Variants in MPP7 observed in about 807,000 individuals in gnomAD.
MPP7 encodes the protein MAGUK p55 scaffold protein 7.
MPP7 carries 60 observed loss-of-function variants against 76.5 expected under a neutral mutation model. That is an observed-to-expected ratio of 0.78 (90% CI 0.64 to 0.97). The LOEUF (loss-of-function observed/expected upper bound fraction) is 0.97. MPP7 is among the 50% of genes least tolerant of loss of function. MPP7 has a pLI of 0.00. For synonymous variants in MPP7, 237 were observed against 244.5 expected, an observed-to-expected ratio of 0.97 and a Z score of 0.29; for missense variants, 641 against 694.0, an observed-to-expected ratio of 0.92 and a Z score of 0.86.
intron 11 of MPP7, among the ~76,000 whole-genome samples, chr10:28,100,224 A>G (rs187908062): frequency 2.9e-4 from 44 of 152,214 alleles, no homozygotes; most frequent in Non-Finnish European, 4.7e-4. Flanking sequence ...TTCTACTAAT[A>G]AAAACATTTT....
At chr10:28,059,085 T>C (rs143500734) in intron 14 of MPP7, among the ~76,000 whole-genome samples, 1 of 152,274 alleles carries the variant, frequency 6.6e-6, no homozygotes, top group African/African-American at 2.4e-5. Flanking sequence ...GATGTTTTAA[T>C]AAAATCCCAC....
At chr10:28,316,168 G>C (rs575507926) in intron 2 of MPP7, among the ~76,000 whole-genome samples, 1 of 152,260 alleles carries the variant, frequency 6.6e-6, no homozygotes, top group Admixed American at 6.5e-5. Context: ...CGGACATGGT[G>C]GCTCACGCCT....
chr10:28,243,319 C>A (rs955399259), intron 1 of MPP7, among the ~76,000 whole-genome samples: 1 of 152,078 alleles, frequency 6.6e-6, no homozygotes, highest in Non-Finnish European at 1.5e-5. Context: ...GAACCAAGTC[C>A]CCACTTTGCA....
At chr10:28,296,675 T>C (rs11006996) in intron 1 of MPP7, among the ~76,000 whole-genome samples, 13,782 of 152,270 alleles carry the variant, frequency 0.091, 667 homozygotes, top group African/African-American at 0.11. Flanking sequence ...GAGAAAAGAA[T>C]GGTCTCCTCT....
At chr10:28,110,080 CTTCTTTT>C (rs1294715503) in intron 11 of MPP7, among the ~76,000 whole-genome samples, 16 of 150,432 alleles carry the variant, frequency 1.1e-4, no homozygotes, top group Admixed American at 4.0e-4. Flanking sequence ...TTTATATTTT[CTTCTTTT>C]TTCTTTTTTC....
intron 5 of MPP7, among the ~76,000 whole-genome samples, chr10:28,143,384 T>C (rs1288614828): frequency 1.3e-5 from 2 of 152,202 alleles, no homozygotes; most frequent in Non-Finnish European, 1.5e-5. Context: ...AAAAAGAATA[T>C]TTCTGTTTCC....
At chr10:28,325,130 G>A (rs1429053803) in intron 2 of MPP7, among the ~76,000 whole-genome samples, 1 of 152,178 alleles carries the variant, frequency 6.6e-6, no homozygotes, top group South Asian at 2.1e-4. Flanking sequence ...CTGAGCTCAA[G>A]TGATCCTCCT....
At chr10:28,200,646 T>A (rs1336967676) in intron 3 of MPP7, among the ~76,000 whole-genome samples, 2 of 152,226 alleles carry the variant, frequency 1.3e-5, no homozygotes, top group African/African-American at 2.4e-5. Context: ...CTACGATAAT[T>A]AACTTTTTCC....
At chr10:28,169,540 T>C (rs541533086) in intron 3 of MPP7, among the ~76,000 whole-genome samples, 10 of 152,246 alleles carry the variant, frequency 6.6e-5, no homozygotes, top group Non-Finnish European at 1.3e-4. Flanking sequence ...TTAATACACG[T>C]TAGATAATTG....
intron 2 of MPP7, among the ~76,000 whole-genome samples, chr10:28,329,209 T>C (rs371933929): frequency 1.8e-4 from 28 of 152,258 alleles, no homozygotes; most frequent in East Asian, 1.2e-3. Flanking sequence ...TCAACATTTC[T>C]AGAATATTAC....
chr10:28,283,382 CAA>C (rs1306307634), intron 1 of MPP7, among the ~76,000 whole-genome samples: 1 of 151,994 alleles, frequency 6.6e-6, no homozygotes, highest in Non-Finnish European at 1.5e-5. Flanking sequence ...ATGGAATACT[CAA>C]AGAGCTGAAT....
At chr10:28,323,683 C>T (rs572770948) in intron 2 of MPP7, among the ~76,000 whole-genome samples, 2 of 134,208 alleles carry the variant, frequency 1.5e-5, no homozygotes, top group African/African-American at 3.2e-5. Context: ...TGTTGCTACA[C>T]ACAAAAAATA....
chr10:28,119,554 G>A, intron 11 of MPP7, 97 bp downstream of exon 11: 1 of 867,324 alleles, frequency 1.2e-6, no homozygotes, highest in Non-Finnish European at 1.9e-6. Flanking sequence ...TTATTGCTAG[G>A]GTAATAGGAC....
At chr10:28,259,584 CAAAAAG>C (rs1245374590) in intron 1 of MPP7, among the ~76,000 whole-genome samples, 2 of 93,034 alleles carry the variant, frequency 2.1e-5, no homozygotes, top group East Asian at 3.3e-4. Context: ...GAGACTCCAT[CAAAAAG>C]AAAAAGAAAA....
intron 2 of MPP7, among the ~76,000 whole-genome samples, chr10:28,204,434 C>T (rs1330814490): frequency 7.7e-6 from 1 of 130,696 alleles, no homozygotes; most frequent in African/African-American, 3.1e-5. Flanking sequence ...CAGAGTGAAA[C>T]TCCGTCTCAA....
intron 1 of MPP7, among the ~76,000 whole-genome samples, chr10:28,249,200 A>C (rs1839532867): frequency 6.6e-6 from 1 of 151,408 alleles, no homozygotes. Context: ...CTCCTGTCCA[A>C]AGGAAAAAGA....
At chr10:28,296,492 T>C (rs764970414) in intron 1 of MPP7, among the ~76,000 whole-genome samples, 2 of 152,232 alleles carry the variant, frequency 1.3e-5, no homozygotes, top group African/African-American at 4.8e-5. Context: ...CTTCAAAATA[T>C]CTTGCAAAAT....
chr10:28,169,748 G>T (rs1836615120), intron 3 of MPP7, among the ~76,000 whole-genome samples: 1 of 152,060 alleles, frequency 6.6e-6, no homozygotes. Context: ...TGGTTGCTGG[G>T]GTTAGAAACA....
At chr10:28,186,653 G>A (rs1220286951) in intron 3 of MPP7, among the ~76,000 whole-genome samples, 1 of 152,216 alleles carries the variant, frequency 6.6e-6, no homozygotes, top group Non-Finnish European at 1.5e-5. Flanking sequence ...GCAATAGGAC[G>A]TGAAGTGCCA....
Sources: allele counts gnomAD v4.1 joint callset (sites outside exome capture counted in the v4.1 genomes callset), GRCh38; gene constraint gnomAD v4.1.1; transcripts MANE v1.5; gene names NCBI Gene and HGNC (gene_info 2026-07-23, HGNC 2026-07-21).